DDX60: variants seen among roughly 807,000 people sequenced by gnomAD.
DDX60 encodes probable ATP-dependent RNA helicase DDX60.
DDX60 carries 165 observed loss-of-function variants against 212.8 expected under a neutral mutation model. The observed-to-expected ratio is 0.78, with a 90% CI of 0.68 to 0.88. DDX60 has a LOEUF of 0.88. DDX60 is among the 40% of genes least tolerant of loss of function. The pLI is 0.00. For missense variants in DDX60, 1,905 were observed against 2,003.9 expected (o/e 0.95, Z 0.94); for synonymous variants, 703 against 685.3 (o/e 1.03, Z -0.40).
At chr4:168,323,910 GATGGA>G in the DDX60 span, among the ~76,000 whole-genome samples, 576 of 152,324 alleles carry the variant, frequency 3.8e-3, 1 homozygote, top group African/African-American at 0.013. Flanking sequence ...CTGGTTAAAG[GATGGA>G]AAGTCGCCAC....
chr4:168,302,489 A>G, intron 5 of DDX60, 73 bp from the exon 6 acceptor site: 1 of 650,950 alleles, frequency 1.5e-6, no homozygotes, highest in Non-Finnish European at 2.4e-6. Context: ...ATAGAAAATT[A>G]CATATTTTAG....
At chr4:168,272,539 C>T (rs1735148621) in intron 18 of DDX60, among the ~76,000 whole-genome samples, 2 of 152,170 alleles carry the variant, frequency 1.3e-5, no homozygotes, top group African/African-American at 4.8e-5. Flanking sequence ...AGGGGGAAGC[C>T]TAACTGCAAG....
intron 37 of DDX60, 28 bp downstream of exon 37, chr4:168,220,626 TA>T: frequency 8.3e-7 from 1 of 1,205,070 alleles, no homozygotes; most frequent in Admixed American, 2.7e-5. Flanking sequence ...TTAAAAAATC[TA>T]AAATCAATAT....
At chr4:168,290,832 T>C (rs1736062449) in intron 8 of DDX60, among the ~76,000 whole-genome samples, 1 of 152,226 alleles carries the variant, frequency 6.6e-6, no homozygotes, top group South Asian at 2.1e-4. Context: ...AATATGTTTT[T>C]ATTTTTCTCA....
At position 168,318,704 on chromosome 4, in the gene DDX60, A is replaced by G. The variant is rs1424863419; in HGVS notation, c.-189T>C. 1 of 152,294 alleles carries G rather than the reference A, an allele frequency of 6.6e-6. No homozygotes were observed. Among genetic ancestry groups the G allele is most frequent in the Non-Finnish European group, 1.5e-5 (1 of 68,080 alleles). 9.4% of individuals were successfully genotyped at this position (152,294 alleles called of 1,614,324 possible). On this transcript the variant is annotated 5_prime_UTR_variant, in exon 1 of 38. Coordinates refer to ENST00000393743, the MANE Select transcript of DDX60 (RefSeq NM_017631.6). Reference sequence around the variant, plus strand: ...GGAGTGAAACAGAGACCTAGCGCAGAGCCCAGGTGGAAGTTCCAGGTTACC... The same window carrying G: ...GGAGTGAAACAGAGACCTAGCGCAGGGCCCAGGTGGAAGTTCCAGGTTACC...
chr4:168,220,401 T>C (rs943470930), intron 37 of DDX60, among the ~76,000 whole-genome samples: 5 of 152,120 alleles, frequency 3.3e-5, no homozygotes, highest in African/African-American at 1.2e-4. Flanking sequence ...TGTCAGTGCA[T>C]GATGCCTGGG....
intron 6 of DDX60, among the ~76,000 whole-genome samples, chr4:168,297,757 G>A (rs1015363356): frequency 3.8e-5 from 5 of 130,616 alleles, no homozygotes; most frequent in African/African-American, 1.5e-4. Context: ...TTAGCCAGGT[G>A]TGGTGGCACA....
chr4:168,248,286 T>C lies in DDX60; in HGVS notation c.3865A>G (p.Thr1289Ala), dbSNP rs1734091691. Residue 1289 changes from threonine to alanine, a missense_variant, in exon 29 of 38, where the codon ACA becomes GCA. Coordinates refer to ENST00000393743, the MANE Select transcript of DDX60 (RefSeq NM_017631.6). ...CCTAAAGCAAGTGTTCCAGTAGCTG[T>C]CACCACCTTGAAAGAGAATAAAACA... ...LFRKGYLRVV[T>A]ATGTLALGVN... 10 of 1,597,410 alleles carry C rather than the reference T, an allele frequency of 6.3e-6. No homozygotes were observed. The highest frequency in any genetic ancestry group is 7.7e-6 in the Non-Finnish European group (9 of 1,174,062).
At chr4:168,238,910 T>C (rs897151347) in intron 30 of DDX60, among the ~76,000 whole-genome samples, 2 of 152,210 alleles carry the variant, frequency 1.3e-5, no homozygotes, top group East Asian at 1.9e-4. Flanking sequence ...ACACTGATAT[T>C]TGGGCCAAAA....
chr4:168,251,724 AAATACAT>A (rs1163112834), intron 27 of DDX60, among the ~76,000 whole-genome samples: 1 of 152,198 alleles, frequency 6.6e-6, no homozygotes, highest in Non-Finnish European at 1.5e-5. Flanking sequence ...ATGATGATCG[AAATACAT>A]GGTTATAAAA....
At chr4:168,220,060 A>G (rs1336969602) in intron 37 of DDX60, among the ~76,000 whole-genome samples, 2 of 151,994 alleles carry the variant, frequency 1.3e-5, no homozygotes, top group East Asian at 3.9e-4. Context: ...AAGAAAAAGA[A>G]AGATGGACAT....
At chr4:168,318,467 ACG>A (rs1737503572) in intron 1 of DDX60, among the ~76,000 whole-genome samples, 153 bp downstream of exon 1, 1 of 152,018 alleles carries the variant, frequency 6.6e-6, no homozygotes, top group Non-Finnish European at 1.5e-5. Context: ...CCCGTGCGCC[ACG>A]GCCTTGCGAT....
intron 8 of DDX60, among the ~76,000 whole-genome samples, chr4:168,290,092 A>G (rs1243887653): frequency 1.3e-5 from 2 of 152,168 alleles, no homozygotes; most frequent in Non-Finnish European, 2.9e-5. Context: ...ACAGAATCCT[A>G]CGTGACTTGT....
intron 13 of DDX60, among the ~76,000 whole-genome samples, chr4:168,282,522 T>G (rs866319351): frequency 6.6e-6 from 1 of 152,214 alleles, no homozygotes; most frequent in Non-Finnish European, 1.5e-5. Context: ...TTCAATTTGT[T>G]AAGGTGGATA....
chr4:168,323,537 C>T (rs1737644790), upstream of DDX60, among the ~76,000 whole-genome samples: 1 of 152,128 alleles, frequency 6.6e-6, no homozygotes, highest in South Asian at 2.1e-4. Flanking sequence ...CCACTGAATG[C>T]TTTCTTCAAG....
intron 37 of DDX60, 25 bp from the exon 38 acceptor site, chr4:168,217,057 G>T: frequency 6.7e-7 from 1 of 1,496,336 alleles, no homozygotes; most frequent in South Asian, 1.2e-5. Flanking sequence ...AAAAATATAG[G>T]ATCCACTTTA....
Position 168,280,411 on chromosome 4 carries a change from A to T in DDX60, c.1902T>A (p.Cys634Ter), listed in dbSNP as rs911263989. 3.1e-6 allele frequency: 5 copies of T among 1,614,072 alleles called. No individual in the cohort carries two copies. The African/African-American group carries it at 6.7e-5, about 22-fold the overall frequency. The stretch of plus-strand genomic sequence containing the variant: ...CCACCATTTCAACCTGAAGTTTCAC[A>T]CAGCTACTTTTACAGGATTTCAAAA... ...EDFLKSCKSS[C>*]VKLQVEMVGL... Residue 634 changes from cysteine to a stop codon, truncating the protein, a stop_gained, in exon 14 of 38, where the codon TGT (cysteine) becomes TGA (stop). Transcript: ENST00000393743. LOFTEE classifies it high-confidence loss of function.
chr4:168,275,639 T>C (rs1398069159), intron 15 of DDX60, 136 bp from the exon 16 acceptor site: 2 of 731,626 alleles, frequency 2.7e-6, no homozygotes, highest in Non-Finnish European at 4.1e-6. Context: ...TTTTAAATCA[T>C]TGTCTTAACT....
chr4:168,272,374 A>G (rs1339877578), intron 18 of DDX60, among the ~76,000 whole-genome samples: 2 of 152,258 alleles, frequency 1.3e-5, no homozygotes, highest in African/African-American at 4.8e-5. Flanking sequence ...TGAAGTTTAC[A>G]TCCTTGTTTA....
Sources: allele counts gnomAD v4.1 joint callset (sites outside exome capture counted in the v4.1 genomes callset), GRCh38; gene constraint gnomAD v4.1.1; transcripts MANE v1.5; gene names NCBI Gene and HGNC (gene_info 2026-07-23, HGNC 2026-07-21).